The following CTTNBP2 variants were observed in gnomAD, a reference collection of about 807,000 sequenced individuals.
The protein encoded by CTTNBP2 is cortactin binding protein 2, also known as cortactin-binding protein 2.
In CTTNBP2, 108 loss-of-function variants were observed where a neutral mutation model predicts 156.9. That is an observed-to-expected ratio of 0.69 (90% confidence interval 0.59 to 0.81). The LOEUF (loss-of-function observed/expected upper bound fraction) is 0.81. Among genes scored for constraint, CTTNBP2 ranks in the 30% least tolerant of loss-of-function variants. CTTNBP2 has a pLI of 0.00. For synonymous variants in CTTNBP2, 767 were observed against 751.8 expected, an observed-to-expected ratio of 1.02 and a Z score of -0.33; for missense variants, 1,924 against 2,035.4, an observed-to-expected ratio of 0.95 and a Z score of 1.05.
intron 3 of CTTNBP2, among the ~76,000 whole-genome samples, chr7:117,802,729 T>C (rs911125379): frequency 2.6e-5 from 4 of 152,272 alleles, no homozygotes; most frequent in South Asian, 2.1e-4. Context: ...GCAAAGGACA[T>C]GAACAGACAT....
chr7:117,729,841 T>C (rs968053922), intron 16 of CTTNBP2, among the ~76,000 whole-genome samples: 3 of 151,880 alleles, frequency 2.0e-5, no homozygotes, highest in Non-Finnish European at 2.9e-5. Flanking sequence ...GAAAGACAAA[T>C]AGATGAGGTG....
At chr7:117,759,592 C>T (rs1367579408) in intron 10 of CTTNBP2, among the ~76,000 whole-genome samples, 1 of 152,162 alleles carries the variant, frequency 6.6e-6, no homozygotes, top group Non-Finnish European at 1.5e-5. Flanking sequence ...GCCCACTTTT[C>T]CCTCAACCTT....
intron 16 of CTTNBP2, among the ~76,000 whole-genome samples, chr7:117,731,504 G>A (rs747976433): frequency 2.0e-5 from 3 of 152,152 alleles, no homozygotes; most frequent in Admixed American, 6.5e-5. Context: ...AGAGGAACCC[G>A]GTCTTGTCTC....
intron 2 of CTTNBP2, among the ~76,000 whole-genome samples, chr7:117,857,777 G>A (rs1021352587): frequency 2.0e-5 from 3 of 151,878 alleles, no homozygotes; most frequent in African/African-American, 7.3e-5. Context: ...CTTGATTTAG[G>A]AGTAAATTGA....
Position 117,745,931 on chromosome 7 carries a change from C to T in CTTNBP2, c.3436-1G>A. ...AGAATCCTGCAGCCATTTGTCTGTG[C>T]TGTGATAAGAAAATAGGGTGATTAG... On this transcript the variant is annotated splice_acceptor_variant, in intron 13 of 22. Transcript: ENST00000160373. LOFTEE classifies it high-confidence loss of function. 6.2e-7 allele frequency: 1 copy of T among 1,613,852 alleles called. No homozygotes were observed. The highest frequency in any genetic ancestry group is 8.5e-7 in the Non-Finnish European group (1 of 1,179,756).
At chr7:117,860,312 TA>T (rs1803631036) in intron 2 of CTTNBP2, among the ~76,000 whole-genome samples, 1 of 152,080 alleles carries the variant, frequency 6.6e-6, no homozygotes, top group Non-Finnish European at 1.5e-5. Context: ...AATTGGTGAT[TA>T]GACTTTCTTG....
chr7:117,760,617 G>A lies in CTTNBP2; in HGVS notation c.2990C>T (p.Ala997Val), dbSNP rs1373709234. Reference sequence around the variant, plus strand: ...TGATGTCTGTTTGCGGATATTTAAAGCACATATTGTGTTTTCACATTCCAA... The same window carrying A: ...TGATGTCTGTTTGCGGATATTTAAAACACATATTGTGTTTTCACATTCCAA... The part of the protein sequence containing the change: ...DDLECENTIC[A>V]LNIRKQTSWD... Residue 997 changes from alanine (A) to valine (V), a missense_variant, in exon 10 of 23, where the codon GCT becomes GTT. Transcript: ENST00000160373. The A allele has an allele frequency of 1.2e-6, 2 of 1,613,640 alleles. No individual in the cohort carries two copies. Among genetic ancestry groups the A allele is most frequent in the South Asian group, 1.1e-5 (1 of 91,068 alleles).
intron 3 of CTTNBP2, among the ~76,000 whole-genome samples, chr7:117,802,871 G>A (rs1799715698): frequency 6.6e-6 from 1 of 152,090 alleles, no homozygotes; most frequent in Non-Finnish European, 1.5e-5. Flanking sequence ...TTAATAAAAA[G>A]TCAAAAAAAT....
Position 117,758,546 on chromosome 7 carries a change from AT to A in CTTNBP2, c.3173-577del, listed in dbSNP as rs1284122452. ...CCCTAGGGGATGATTGGTAATAAGT[AT>A]TTTTTTTCATCTCTTCCTTCCACAG... On this transcript the variant is annotated intron_variant, in intron 10 of 22. Transcript: ENST00000160373. Among the ~76,000 whole-genome samples, 3 of 152,038 alleles carry A rather than the reference AT, an allele frequency of 2.0e-5. No homozygotes were observed. The East Asian group carries it at 5.8e-4, about 29-fold the overall frequency.
intron 16 of CTTNBP2, among the ~76,000 whole-genome samples, chr7:117,732,806 T>C (rs1407051466): frequency 2.0e-5 from 3 of 152,090 alleles, no homozygotes. Flanking sequence ...GGAAATAATT[T>C]GGCCAAGGAA....
chr7:117,838,976 G>GA (rs1554443564), intron 2 of CTTNBP2, among the ~76,000 whole-genome samples: 2 of 99,910 alleles, frequency 2.0e-5, no homozygotes, highest in Non-Finnish European at 3.9e-5. Flanking sequence ...GCGGGGGGGG[G>GA]GCTTTTAAAA....
intron 1 of CTTNBP2, among the ~76,000 whole-genome samples, chr7:117,870,675 C>T (rs945973047): frequency 6.6e-6 from 1 of 152,204 alleles, no homozygotes; most frequent in South Asian, 2.1e-4. Flanking sequence ...ATGAAGATTT[C>T]GTTTTCCATA....
chr7:117,713,142 G>A lies in CTTNBP2; in HGVS notation c.4747-1360C>T, dbSNP rs184353875. On this transcript the variant is annotated intron_variant, in intron 22 of 22. Coordinates refer to ENST00000160373, the MANE Select transcript of CTTNBP2 (RefSeq NM_033427.3). The stretch of plus-strand genomic sequence containing the variant: ...GATCTGAGATGGAACAGTTTCATCC[G>A]GAAACTACCCAGGTCCGTGGAAAAA... Among the ~76,000 whole-genome samples the A allele has an allele frequency of 3.9e-5, 6 of 152,226 alleles. No homozygotes were observed. The South Asian group carries it at 6.2e-4, about 16-fold the overall frequency.
At chr7:117,712,000 A>G (rs191054444) in intron 22 of CTTNBP2, among the ~76,000 whole-genome samples, 182 of 152,282 alleles carry the variant, frequency 1.2e-3, no homozygotes, top group Non-Finnish European at 2.1e-3. Flanking sequence ...CAAAATTCCT[A>G]AATACAGGAG....
chr7:117,762,459 C>T (rs1390040929), intron 9 of CTTNBP2, among the ~76,000 whole-genome samples: 1 of 152,204 alleles, frequency 6.6e-6, no homozygotes, highest in Non-Finnish European at 1.5e-5. Flanking sequence ...TATACTCCCT[C>T]ACACTTCACA....
intron 2 of CTTNBP2, among the ~76,000 whole-genome samples, chr7:117,836,435 G>A (rs1403914231): frequency 6.6e-6 from 1 of 152,042 alleles, no homozygotes; most frequent in Non-Finnish European, 1.5e-5. Flanking sequence ...GTGGTGGTGG[G>A]CGCCTGTAGT....
intron 2 of CTTNBP2, among the ~76,000 whole-genome samples, chr7:117,828,859 A>C (rs1402827551): frequency 2.0e-5 from 3 of 152,200 alleles, no homozygotes; most frequent in Non-Finnish European, 4.4e-5. Context: ...ATAGTCTGTA[A>C]CACAGAATAA....
chr7:117,760,636 A>C lies in CTTNBP2; in HGVS notation c.2971T>G (p.Cys991Gly), dbSNP rs775935433. The C allele has an allele frequency of 2.5e-6, 4 of 1,613,960 alleles. No individual in the cohort carries two copies. The highest frequency in any genetic ancestry group is 3.4e-6 in the Non-Finnish European group (4 of 1,179,834). ...TTTAAAGCACATATTGTGTTTTCAC[A>C]TTCCAAGTCATCAGAACCATAGTTG... Reference protein sequence around the residue: ...PSNYGSDDLECENTICALNIR... With the variant: ...PSNYGSDDLEGENTICALNIR... The change falls in exon 10 of 23, where the codon TGT (cysteine) becomes GGT (glycine). Residue 991 changes from cysteine (C) to glycine (G), a missense_variant. By Grantham distance (159) the Cys-to-Gly change is radical. Coordinates refer to ENST00000160373, the MANE Select transcript of CTTNBP2 (RefSeq NM_033427.3).
chr7:117,714,079 C>CACATCCTAGTCCA (rs1400931017), intron 22 of CTTNBP2: 2 of 152,218 alleles, frequency 1.3e-5, no homozygotes, highest in Admixed American at 1.3e-4. Context: ...GGTGAGGGAA[C>CACATCCTAGTCCA]ACATCCTAGT....
Sources: allele counts gnomAD v4.1 joint callset (sites outside exome capture counted in the v4.1 genomes callset), GRCh38; gene constraint gnomAD v4.1.1; transcripts MANE v1.5; gene names NCBI Gene and HGNC (gene_info 2026-07-23, HGNC 2026-07-21).